Variants in CDC26 observed in about 807,000 individuals in gnomAD.
CDC26 encodes the protein anaphase-promoting complex subunit CDC26.
Under a neutral mutation model 8.0 loss-of-function variants are expected in CDC26, and 2 were observed. The observed-to-expected ratio is 0.25, with a 90% CI of 0.10 to 0.79. The LOEUF (loss-of-function observed/expected upper bound fraction) is 0.79. CDC26 is among the 30% of genes least tolerant of loss of function. The pLI, the probability that CDC26 is intolerant of heterozygous loss-of-function variation, is 0.70. For missense variants in CDC26, 68 were observed against 106.0 expected (o/e 0.64, Z 1.57); for synonymous variants, 19 against 34.9 (o/e 0.55, Z 1.60).
chr9:113,267,248 C>G lies in CDC26; in HGVS notation c.*15G>C. The G allele has an allele frequency of 6.9e-7, 1 of 1,439,372 alleles. No individual in the cohort carries two copies. Among genetic ancestry groups the G allele is most frequent in the Non-Finnish European group, 9.4e-7 (1 of 1,064,428 alleles). The allele number at this position is 1,439,372 out of a possible 1,614,324, so 89.2% of individuals were successfully genotyped here. On this transcript the variant is annotated 3_prime_UTR_variant, in exon 4 of 4. Transcript: ENST00000374206. ...TATTCCATTCCAGCGCTCTGGCATG[C>G]AAGATAATCCATCTCTAAAATTCAA... is the stretch of plus-strand genomic sequence containing the variant.
At chr9:113,273,240 A>G (rs564834071) in intron 2 of CDC26, 89 bp downstream of exon 2, 1 of 152,344 alleles carries the variant, frequency 6.6e-6, no homozygotes. Context: ...AGTGAATTTA[A>G]TCTACCCTAC....
chr9:113,272,705 T>C (rs1208787769), intron 2 of CDC26, among the ~76,000 whole-genome samples, 157 bp from the exon 3 acceptor site: 3 of 152,070 alleles, frequency 2.0e-5, no homozygotes, highest in African/African-American at 7.2e-5. Context: ...TTTTTTTTTT[T>C]TTTAAGAGAT....
At chr9:113,274,579 A>C (rs535125164) in intron 1 of CDC26, among the ~76,000 whole-genome samples, 41 of 152,300 alleles carry the variant, frequency 2.7e-4, no homozygotes, top group African/African-American at 9.6e-4. Context: ...AAACTGCAAA[A>C]AACTGGCCAC....
Position 113,272,457 on chromosome 9 carries a change from T to C in CDC26, c.51A>G (p.Glu17=). The C allele has an allele frequency of 6.2e-6, 10 of 1,613,074 alleles. No individual in the cohort carries two copies. The highest frequency in any genetic ancestry group is 8.5e-6 in the Non-Finnish European group (10 of 1,179,728). Residue 17 remains glutamate, a synonymous_variant, in exon 3 of 4, where the codon GAA becomes GAG. Coordinates refer to ENST00000374206, the MANE Select transcript of CDC26 (RefSeq NM_139286.4). ...GGTCCTTTCGAATGTTCTCAAACTC[T>C]TCAATGTCATCAAGCTTTAGCTCTA... ...TRLELKLDDI[E]EFENIRKDLE...
chr9:113,274,346 T>C (rs1588004374), intron 1 of CDC26, among the ~76,000 whole-genome samples: 1 of 152,114 alleles, frequency 6.6e-6, no homozygotes, highest in East Asian at 1.9e-4. Flanking sequence ...AAGGAAGAAA[T>C]AGTTCCTTCT....
intron 3 of CDC26, among the ~76,000 whole-genome samples, chr9:113,270,089 A>T (rs1831930065): frequency 6.6e-6 from 1 of 152,178 alleles, no homozygotes; most frequent in South Asian, 2.1e-4. Flanking sequence ...CCTATGAGAG[A>T]GGTTAGCACA....
chr9:113,267,610 G>A (rs1831883397), intron 3 of CDC26, among the ~76,000 whole-genome samples, 171 bp from the exon 4 acceptor site: 1 of 152,158 alleles, frequency 6.6e-6, no homozygotes, highest in Non-Finnish European at 1.5e-5. Context: ...AGGATATGGT[G>A]TTAAAAGTTG....
intron 3 of CDC26, 115 bp downstream of exon 3, chr9:113,272,312 G>C: frequency 1.3e-6 from 1 of 766,078 alleles, no homozygotes; most frequent in Non-Finnish European, 2.3e-6. Context: ...CCAGCACGCG[G>C]GAGGCTGAGG....
chr9:113,271,105 AT>A (rs1254421524), intron 3 of CDC26, among the ~76,000 whole-genome samples: 2 of 152,198 alleles, frequency 1.3e-5, no homozygotes, highest in Non-Finnish European at 2.9e-5. Flanking sequence ...CAGATCGAAT[AT>A]AAAGCGTAAG....
intron 3 of CDC26, among the ~76,000 whole-genome samples, chr9:113,271,189 A>C (rs1313149299): frequency 6.6e-6 from 1 of 152,200 alleles, no homozygotes; most frequent in African/African-American, 2.4e-5. Context: ...GATGGGAAAC[A>C]CTGGGGAAGA....
At chr9:113,270,103 G>T (rs10123780) in intron 3 of CDC26, among the ~76,000 whole-genome samples, 40 of 152,092 alleles carry the variant, frequency 2.6e-4, no homozygotes, top group African/African-American at 8.7e-4. Flanking sequence ...TAGCACAGGA[G>T]GATAAGGTTG....
chr9:113,275,351 A>AT (rs2118571706), intron 1 of CDC26, 31 bp downstream of exon 1: 1 of 183,236 alleles, frequency 5.5e-6, no homozygotes, highest in African/African-American at 2.3e-5. Flanking sequence ...TCCAGAGTTC[A>AT]GCCCCGAGCC....
chr9:113,269,730 AAT>A (rs1422046620), intron 3 of CDC26, among the ~76,000 whole-genome samples: 1 of 152,258 alleles, frequency 6.6e-6, no homozygotes, highest in Non-Finnish European at 1.5e-5. Context: ...CATGCTTAAT[AAT>A]ATATGAGTTT....
chr9:113,267,567 A>AGTGAGCCGAG, intron 3 of CDC26, 128 bp from the exon 4 acceptor site: 27 of 1,247,474 alleles, frequency 2.2e-5, no homozygotes, highest in Non-Finnish European at 2.8e-5. Flanking sequence ...AATAAACTGA[A>AGTGAGCCGAG]ATCCTAGGTT....
At chr9:113,272,369 C>G in intron 3 of CDC26, 58 bp downstream of exon 3, 2 of 1,342,084 alleles carry the variant, frequency 1.5e-6, no homozygotes, top group Non-Finnish European at 2.1e-6. Flanking sequence ...CCACTGTACT[C>G]CAGCCTGTGT....
intron 3 of CDC26, among the ~76,000 whole-genome samples, chr9:113,268,946 G>A (rs1310361983): frequency 6.6e-6 from 1 of 151,924 alleles, no homozygotes; most frequent in Non-Finnish European, 1.5e-5. Flanking sequence ...GTAGAGACAG[G>A]GTTTCAACAT....
intron 3 of CDC26, among the ~76,000 whole-genome samples, chr9:113,269,888 C>T (rs1253450615): frequency 6.6e-6 from 1 of 152,180 alleles, no homozygotes; most frequent in Non-Finnish European, 1.5e-5. Flanking sequence ...AACGTACTGT[C>T]CTCTGCCATA....
intron 3 of CDC26, among the ~76,000 whole-genome samples, chr9:113,268,247 A>G (rs929165664): frequency 2.0e-5 from 3 of 152,222 alleles, no homozygotes; most frequent in Admixed American, 2.0e-4. Flanking sequence ...TAAATTGGGT[A>G]AAGAAATAAC....
intron 3 of CDC26, among the ~76,000 whole-genome samples, chr9:113,271,741 G>C (rs977571264): frequency 1.3e-5 from 2 of 152,222 alleles, no homozygotes; most frequent in Non-Finnish European, 2.9e-5. Context: ...CATGAAGTTT[G>C]AGATGCCTGT....
Sources: gnomAD v4.1 joint callset for allele counts (sites outside exome capture counted in the v4.1 genomes callset) on GRCh38, gnomAD v4.1.1 for gene constraint, MANE v1.5 for transcripts, NCBI Gene and HGNC (gene_info 2026-07-23, HGNC 2026-07-21) for gene names.